The following NUMA1 variants were observed in gnomAD, a reference collection of about 807,000 sequenced individuals.
NUMA1 encodes the protein SP-H antigen.
In NUMA1, 62 loss-of-function variants were observed where a neutral mutation model predicts 237.1. The ratio of observed to expected loss-of-function variants is 0.26; its 90% CI spans 0.21 to 0.32. NUMA1 has a LOEUF of 0.32. Ranked by LOEUF, NUMA1 falls within the 10% of genes least tolerant of loss-of-function variation. NUMA1 has a pLI of 1.00. For synonymous variants in NUMA1, 1,028 were observed against 1,066.1 expected (o/e 0.96, Z 0.70); for missense variants, 2,533 against 2,666.5 (o/e 0.95, Z 1.10).
intron 1 of NUMA1, among the ~76,000 whole-genome samples, chr11:72,075,063 A>AAAT (rs1426305192): frequency 6.7e-6 from 1 of 149,784 alleles, no homozygotes; most frequent in African/African-American, 2.5e-5. Flanking sequence ...ATAAATAAAT[A>AAAT]AAATAAAAAT....
At position 72,018,531 on chromosome 11, in the gene NUMA1, A is replaced by C. The variant is rs547736795; in HGVS notation, c.743-18T>G. 1.9e-6 allele frequency: 3 copies of C among 1,592,716 alleles called. No individual in the cohort carries two copies. In the Admixed American group the frequency reaches 5.0e-5, roughly 27 times the overall value. On this transcript the variant is annotated intron_variant, in intron 10 of 26. Coordinates refer to ENST00000393695, the MANE Select transcript of NUMA1 (RefSeq NM_006185.4). Reference sequence around the variant, plus strand: ...CTGTGCATCTGCCCAGAGTGGAGGGAGGAGGAGAGGAGAATCAGAACTATG... The same window carrying C: ...CTGTGCATCTGCCCAGAGTGGAGGGCGGAGGAGAGGAGAATCAGAACTATG...
intron 5 of NUMA1, chr11:72,024,023 A>G (rs1939241821): frequency 4.7e-6 from 2 of 430,104 alleles, no homozygotes. Context: ...AGGTCCCAAA[A>G]AGTAACCTTC....
chr11:72,010,682 CA>C lies in NUMA1; in HGVS notation c.4719+103del, dbSNP rs1956092172. 3 of 1,104,634 alleles carry C rather than the reference CA, an allele frequency of 2.7e-6. No individual in the cohort carries two copies. In the East Asian group the frequency reaches 7.3e-5, roughly 27 times the overall value. 68.4% of individuals were successfully genotyped at this position (1,104,634 alleles called of 1,614,324 possible). A position where few individuals can be genotyped will look rare whatever the true frequency, so the allele number is the denominator to read the frequency against. On this transcript the variant is annotated intron_variant, in intron 17 of 26. Coordinates refer to ENST00000393695, the MANE Select transcript of NUMA1 (RefSeq NM_006185.4). Reference sequence around the variant, plus strand: ...CTTCCTAGGAGGGCTACCTGGAATGCAGGGTGCCCCTCTTCTGCCCCGACAC... The same window carrying C: ...CTTCCTAGGAGGGCTACCTGGAATGCGGGTGCCCCTCTTCTGCCCCGACAC...
chr11:72,039,895 T>C (rs1042197514), intron 2 of NUMA1: 5 of 150,610 alleles, frequency 3.3e-5, no homozygotes, highest in Non-Finnish European at 7.4e-5. Flanking sequence ...AGGAGGCACA[T>C]GCAAGCAAAC....
At chr11:72,056,373 G>C (rs1320236144) in intron 2 of NUMA1, among the ~76,000 whole-genome samples, 3 of 148,590 alleles carry the variant, frequency 2.0e-5, no homozygotes, top group Non-Finnish European at 4.4e-5. Flanking sequence ...CCAGGCTAGA[G>C]TGCAGTGGTG....
intron 2 of NUMA1, among the ~76,000 whole-genome samples, chr11:72,057,743 CA>C (rs541465932): frequency 1.6e-5 from 2 of 128,776 alleles, no homozygotes; most frequent in Admixed American, 1.7e-4. Context: ...GACACCGTCT[CA>C]AAAAAAAACA....
intron 12 of NUMA1, 24 bp from the exon 13 acceptor site, chr11:72,017,851 C>T: frequency 6.8e-7 from 1 of 1,481,030 alleles, no homozygotes; most frequent in Non-Finnish European, 9.0e-7. Context: ...GTGAGAATCC[C>T]CATCACCCAG....
intron 9 of NUMA1, 144 bp from the exon 10 acceptor site, chr11:72,019,124 C>T (rs1354219299): frequency 2.5e-6 from 2 of 797,516 alleles, no homozygotes; most frequent in South Asian, 1.8e-5. Flanking sequence ...TGCAGTGCTA[C>T]CTCAAGCCTC....
intron 2 of NUMA1, chr11:72,067,445 A>C (rs1469813123): frequency 6.6e-6 from 1 of 152,014 alleles, no homozygotes; most frequent in Non-Finnish European, 1.5e-5. Context: ...ATTCACCCCC[A>C]CCTCCTTCAA....
At chr11:72,030,315 G>A (rs2135541240) in intron 3 of NUMA1, among the ~76,000 whole-genome samples, 1 of 142,528 alleles carries the variant, frequency 7.0e-6, no homozygotes, top group South Asian at 2.3e-4. Flanking sequence ...TAGCCTGAGT[G>A]ACAGAGCAAG....
At chr11:72,039,106 A>G (rs1283639950) in intron 2 of NUMA1, among the ~76,000 whole-genome samples, 1 of 152,230 alleles carries the variant, frequency 6.6e-6, no homozygotes, top group African/African-American at 2.4e-5. Context: ...ATATCAAGAT[A>G]AGGAAAGTGA....
intron 2 of NUMA1, among the ~76,000 whole-genome samples, chr11:72,037,512 A>T (rs529318661): frequency 7.9e-5 from 12 of 152,230 alleles, no homozygotes; most frequent in Non-Finnish European, 1.2e-4. Flanking sequence ...TCTCAAAAAA[A>T]AATAATAAAA....
intron 1 of NUMA1, 23 bp downstream of exon 1, chr11:72,080,434 CA>C (rs1452568596): frequency 1.3e-5 from 2 of 152,230 alleles, no homozygotes; most frequent in African/African-American, 4.8e-5. Flanking sequence ...GGCCGCACGC[CA>C]AACGCGGGCC....
chr11:72,033,832 G>A (rs555763425), intron 3 of NUMA1, among the ~76,000 whole-genome samples: 2 of 152,080 alleles, frequency 1.3e-5, no homozygotes, highest in African/African-American at 2.4e-5. Context: ...ACCAGCCTGG[G>A]AAACATGGCA....
chr11:72,075,214 C>T (rs1272415129), intron 1 of NUMA1, among the ~76,000 whole-genome samples: 1 of 152,110 alleles, frequency 6.6e-6, no homozygotes, highest in African/African-American at 2.4e-5. Flanking sequence ...CAAATCTACC[C>T]TGTTATGCTC....
intron 2 of NUMA1, among the ~76,000 whole-genome samples, chr11:72,038,741 A>T (rs777926750): frequency 2.6e-5 from 4 of 152,026 alleles, no homozygotes; most frequent in Admixed American, 6.6e-5. Context: ...CATTTCACAG[A>T]AGGATCTGCT....
intron 2 of NUMA1, among the ~76,000 whole-genome samples, chr11:72,060,654 A>C (rs1262226361): frequency 6.6e-6 from 1 of 152,038 alleles, no homozygotes; most frequent in East Asian, 1.9e-4. Flanking sequence ...AAAAAACAAA[A>C]CGCACACACA....
chr11:72,041,043 A>C (rs1225706320), intron 2 of NUMA1: 1 of 152,220 alleles, frequency 6.6e-6, no homozygotes, highest in African/African-American at 2.4e-5. Context: ...AGGGGGGGCC[A>C]GTGGAAAGTA....
intron 25 of NUMA1, 41 bp downstream of exon 25, chr11:72,004,184 C>T (rs756099622): frequency 1.3e-5 from 21 of 1,604,108 alleles, no homozygotes; most frequent in African/African-American, 2.7e-5. Context: ...AGCAAGGTCC[C>T]GCCAGGGCGT....
Sources: allele counts gnomAD v4.1 joint callset (sites outside exome capture counted in the v4.1 genomes callset), GRCh38; gene constraint gnomAD v4.1.1; transcripts MANE v1.5; gene names NCBI Gene and HGNC (gene_info 2026-07-23, HGNC 2026-07-21).